SAFB: variants seen among roughly 807,000 people sequenced by gnomAD.
SAFB encodes scaffold attachment factor B1.
SAFB carries 15 observed loss-of-function variants against 101.6 expected under a neutral mutation model. The observed-to-expected ratio is 0.15, with a 90% CI of 0.10 to 0.23. The LOEUF (loss-of-function observed/expected upper bound fraction) is 0.23, where lower values mean the gene tolerates loss of function less well. Ranked by LOEUF, SAFB falls within the 10% of genes least tolerant of loss-of-function variation. The pLI is 1.00. For synonymous variants in SAFB, 449 were observed against 407.5 expected, an observed-to-expected ratio of 1.10 and a Z score of -1.23; for missense variants, 930 against 1,104.1, an observed-to-expected ratio of 0.84 and a Z score of 2.23.
intron 17 of SAFB, chr19:5,666,533 G>GA (rs1331686800): frequency 1.8e-5 from 3 of 165,600 alleles, no homozygotes; most frequent in Non-Finnish European, 4.0e-5. Context: ...TGACTGTGAG[G>GA]AAGGATGCTT....
Position 5,641,728 on chromosome 19 carries a change from G to A in SAFB, c.340-12G>A, listed in dbSNP as rs972333585. 6.2e-7 allele frequency: 1 copy of A among 1,614,028 alleles called. No individual in the cohort carries two copies. Among genetic ancestry groups the A allele is most frequent in the African/African-American group, 1.3e-5 (1 of 75,028 alleles). ...GGCGGTCACATGATGGTTCGGTCTG[G>A]TTGTGTCACAGGAGGATGTTGAGAC... On this transcript the variant is annotated splice_polypyrimidine_tract_variant and intron_variant, in intron 3 of 20. Coordinates refer to ENST00000588852, the MANE Select transcript of SAFB (RefSeq NM_001201338.2).
chr19:5,667,028 TG>T lies in SAFB; in HGVS notation c.2335-16del. 1 of 1,509,480 alleles carries T rather than the reference TG, an allele frequency of 6.6e-7. No individual in the cohort carries two copies. The highest frequency in any genetic ancestry group is 9.2e-7 in the Non-Finnish European group (1 of 1,085,080). The allele number at this position is 1,509,480 out of a possible 1,614,324, so 93.5% of individuals were successfully genotyped here. A position where few individuals can be genotyped will look rare whatever the true frequency, so the allele number is the denominator to read the frequency against. Reference sequence around the variant, plus strand: ...GACACTGAAGCTTTTTTTTCCCTTCTGGCTCTGTGATGTCCAGCATTACCCA... The same window carrying T: ...GACACTGAAGCTTTTTTTTCCCTTCTGCTCTGTGATGTCCAGCATTACCCA... On this transcript the variant is annotated splice_polypyrimidine_tract_variant and intron_variant, in intron 17 of 20. Coordinates refer to ENST00000588852, the MANE Select transcript of SAFB (RefSeq NM_001201338.2). The surrounding 1 kb of genome is among the most constrained non-coding windows in gnomAD (Gnocchi z 4.0).
intron 4 of SAFB, among the ~76,000 whole-genome samples, chr19:5,644,327 A>G (rs547738685): frequency 6.6e-6 from 1 of 152,324 alleles, no homozygotes; most frequent in East Asian, 1.9e-4. Context: ...ACCACCACGA[A>G]TACAGTTTTT....
intron 14 of SAFB, 133 bp downstream of exon 14, chr19:5,657,480 C>A: frequency 1.6e-6 from 1 of 606,574 alleles, no homozygotes; most frequent in Non-Finnish European, 3.0e-6. Flanking sequence ...GCTTTCAGTT[C>A]ATAGACTTGT....
At chr19:5,668,069 G>T (rs1568286037) in intron 20 of SAFB, 93 bp from the exon 21 acceptor site, 1 of 1,530,896 alleles carries the variant, frequency 6.5e-7, no homozygotes, top group Middle Eastern at 1.7e-4. Flanking sequence ...AAGGGGCCCT[G>T]CCTGCAGGCA....
intron 1 of SAFB, 100 bp downstream of exon 1, chr19:5,623,494 G>A: frequency 1.9e-6 from 2 of 1,045,398 alleles, no homozygotes; most frequent in African/African-American, 1.7e-5. Context: ...GGCCGCGTTC[G>A]CGGCCTCGCC....
Position 5,623,209 on chromosome 19 carries a change from G to C in SAFB, c.4G>C (p.Ala2Pro). The C allele has an allele frequency of 6.3e-7, 1 of 1,587,618 alleles. No homozygotes were observed. The highest frequency in any genetic ancestry group is 8.6e-7 in the Non-Finnish European group (1 of 1,167,540). M[A>P]ETLSGLGDSG... Reference sequence around the variant, plus strand: ...CGGCGGAGCCAGGGTCCCTGGAATGGCGGAGACTCTGTCAGGCCTAGGTGA... The same window carrying C: ...CGGCGGAGCCAGGGTCCCTGGAATGCCGGAGACTCTGTCAGGCCTAGGTGA... The change falls in exon 1 of 21, where the codon GCG (alanine) becomes CCG (proline). Residue 2 changes from alanine to proline, a missense_variant. Physicochemically the swap from Ala to Pro is conservative, Grantham distance 27. Coordinates refer to ENST00000588852, the MANE Select transcript of SAFB (RefSeq NM_001201338.2).
At position 5,623,407 on chromosome 19, in the gene SAFB, C is replaced by A; in HGVS notation, c.189+13C>A. On this transcript the variant is annotated intron_variant, in intron 1 of 20. Coordinates refer to ENST00000588852, the MANE Select transcript of SAFB (RefSeq NM_001201338.2). Reference sequence around the variant, plus strand: ...GCGGCTGAAGAAGGTGGATTTGGGGCCCCGAGGGCGGGCACAGGGTGGGTC... The same window carrying A: ...GCGGCTGAAGAAGGTGGATTTGGGGACCCGAGGGCGGGCACAGGGTGGGTC... 6.2e-7 allele frequency: 1 copy of A among 1,610,100 alleles called. No homozygotes were observed. The highest frequency in any genetic ancestry group is 8.5e-7 in the Non-Finnish European group (1 of 1,176,836).
intron 2 of SAFB, 59 bp downstream of exon 2, chr19:5,626,548 T>G (rs1239304438): frequency 1.0e-6 from 1 of 974,744 alleles, no homozygotes; most frequent in East Asian, 2.4e-5. Context: ...ACGAATACAT[T>G]GCTAATGTGC....
At position 5,649,878 on chromosome 19, in the gene SAFB, T is replaced by G. The variant is rs370466806; in HGVS notation, c.1149-48T>G. 6 of 1,549,754 alleles carry G rather than the reference T, an allele frequency of 3.9e-6. No individual in the cohort carries two copies. In the African/African-American group the frequency reaches 6.8e-5, roughly 18 times the overall value. ...ACGAATTTTATGGTTTTGAGTTTGTTTCCTCCATGCTGCTTCCTTGTGGAG... is the reference window on the plus strand; with the variant it reads ...ACGAATTTTATGGTTTTGAGTTTGTGTCCTCCATGCTGCTTCCTTGTGGAG... On this transcript the variant is annotated intron_variant, in intron 7 of 20. Transcript: ENST00000588852.
chr19:5,642,088 C>T (rs1599342204), intron 4 of SAFB, 142 bp downstream of exon 4: 1 of 736,256 alleles, frequency 1.4e-6, no homozygotes. Context: ...TCAGATGATT[C>T]TGAACCAATT....
intron 9 of SAFB, among the ~76,000 whole-genome samples, chr19:5,652,650 TGTTACA>T (rs928239732): frequency 7.7e-4 from 118 of 152,306 alleles, no homozygotes; most frequent in African/African-American, 2.8e-3. Flanking sequence ...CACTGCGTTT[TGTTACA>T]GTCAATGATA....
At chr19:5,665,523 C>T (rs374730313) in intron 17 of SAFB, 14 of 150,958 alleles carry the variant, frequency 9.3e-5, no homozygotes, top group African/African-American at 1.5e-4. Context: ...TTAATAGAGA[C>T]GGGATCTCAC....
intron 10 of SAFB, 31 bp downstream of exon 10, chr19:5,653,295 C>G: frequency 6.2e-7 from 1 of 1,613,960 alleles, no homozygotes. Context: ...CAGGATATAG[C>G]CCACATTAGG....
intron 2 of SAFB, among the ~76,000 whole-genome samples, chr19:5,634,212 G>A (rs1268833663): frequency 5.3e-5 from 8 of 152,022 alleles, no homozygotes. Flanking sequence ...AATTTTCCTA[G>A]ATATGATGAC....
chr19:5,635,307 C>T (rs1404152013), intron 2 of SAFB, among the ~76,000 whole-genome samples: 1 of 152,058 alleles, frequency 6.6e-6, no homozygotes, highest in East Asian at 1.9e-4. Flanking sequence ...ATACGCAGTA[C>T]ATAAAAATGT....
At chr19:5,658,551 G>A (rs935985939) in intron 14 of SAFB, among the ~76,000 whole-genome samples, 1 of 152,006 alleles carries the variant, frequency 6.6e-6, no homozygotes, top group African/African-American at 2.4e-5. Flanking sequence ...AATTAGCTGG[G>A]CATGTAGGCC....
intron 4 of SAFB, 42 bp from the exon 5 acceptor site, chr19:5,645,295 T>C: frequency 1.2e-6 from 1 of 822,386 alleles, no homozygotes; most frequent in East Asian, 2.4e-5. Context: ...TGTTACGTTA[T>C]TGTTGGTGTG....
intron 5 of SAFB, among the ~76,000 whole-genome samples, chr19:5,647,155 G>T (rs1283114111): frequency 6.6e-6 from 1 of 152,232 alleles, no homozygotes. Context: ...TGTGGAAAAA[G>T]CTCCTTTGCT....
Sources: gnomAD v4.1 joint callset for allele counts (sites outside exome capture counted in the v4.1 genomes callset) on GRCh38, gnomAD v4.1.1 for gene constraint, Gnocchi (gnomAD v3.1) non-coding constraint, MANE v1.5 for transcripts, NCBI Gene and HGNC (gene_info 2026-07-23, HGNC 2026-07-21) for gene names.